Variants in ZNF791 observed in about 807,000 individuals in gnomAD.
ZNF791 encodes the protein zinc finger protein 791.
ZNF791 carries 4 observed loss-of-function variants against 11.5 expected under a neutral mutation model. The observed-to-expected ratio is 0.35, with a 90% CI of 0.17 to 0.80. The LOEUF is 0.80. Among genes scored for constraint, ZNF791 ranks in the 30% least tolerant of loss-of-function variants. The pLI is 0.53. For synonymous variants in ZNF791, 212 were observed against 228.1 expected (o/e 0.93, Z 0.64); for missense variants, 559 against 699.4 (o/e 0.80, Z 2.26).
At chr19:12,626,639 C>CT (rs2023432882) in intron 3 of ZNF791, among the ~76,000 whole-genome samples, 1 of 151,996 alleles carries the variant, frequency 6.6e-6, no homozygotes, top group Non-Finnish European at 1.5e-5. Context: ...AAGTCTTGCT[C>CT]TGTCACCCAG....
At position 12,630,857 on chromosome 19, in the gene ZNF791, A is replaced by C. The variant is rs2023494523; in HGVS notation, c.*1597A>C. On this transcript the variant is annotated 3_prime_UTR_variant, in exon 4 of 4. Coordinates refer to ENST00000343325, the MANE Select transcript of ZNF791 (RefSeq NM_153358.3). ...TTGTACAGCTGTACAATGTGTTTTAAGCTAAATTATTACAAAGTTTTTAAA... is the reference window on the plus strand; with the variant it reads ...TTGTACAGCTGTACAATGTGTTTTACGCTAAATTATTACAAAGTTTTTAAA... 1 of 152,232 alleles carries C rather than the reference A, an allele frequency of 6.6e-6. No homozygotes were observed. Among genetic ancestry groups the C allele is most frequent in the African/African-American group, 2.4e-5 (1 of 41,470 alleles). 9.4% of individuals were successfully genotyped at this position (152,232 alleles called of 1,614,324 possible).
At chr19:12,611,843 A>G (rs1342731408) in intron 1 of ZNF791, among the ~76,000 whole-genome samples, 1 of 152,140 alleles carries the variant, frequency 6.6e-6, no homozygotes, top group Non-Finnish European at 1.5e-5. Context: ...ACAGTTTCAG[A>G]TTGGCACTGT....
chr19:12,622,776 C>A (rs1257962799), intron 1 of ZNF791, among the ~76,000 whole-genome samples: 1 of 151,968 alleles, frequency 6.6e-6, no homozygotes, highest in Non-Finnish European at 1.5e-5. Context: ...CGCCTATAAT[C>A]CCAGCTACTT....
intron 1 of ZNF791, among the ~76,000 whole-genome samples, chr19:12,619,444 CTTTTTTTTTTTTT>C: frequency 1.0e-5 from 1 of 97,484 alleles, no homozygotes; most frequent in East Asian, 2.7e-4. Flanking sequence ...CTAATGTTAT[CTTTTTTTTTTTTT>C]TTTTTTTTTT....
At chr19:12,620,232 G>T (rs1200048465) in intron 1 of ZNF791, among the ~76,000 whole-genome samples, 1 of 152,110 alleles carries the variant, frequency 6.6e-6, no homozygotes, top group African/African-American at 2.4e-5. Context: ...CTGGAGTGCA[G>T]TGGTATAGTT....
At chr19:12,619,536 G>A (rs1248281274) in intron 1 of ZNF791, among the ~76,000 whole-genome samples, 1 of 139,674 alleles carries the variant, frequency 7.2e-6, no homozygotes, top group Non-Finnish European at 1.5e-5. Flanking sequence ...TGCAAGCTCC[G>A]CCTCCCGTGT....
chr19:12,623,645 A>T (rs1262196158), intron 1 of ZNF791, 55 bp from the exon 2 acceptor site: 1 of 1,606,186 alleles, frequency 6.2e-7, no homozygotes, highest in Non-Finnish European at 8.5e-7. Context: ...TGAATTGAGG[A>T]TACCTCTCAT....
chr19:12,619,922 T>G (rs1403758209), intron 1 of ZNF791, among the ~76,000 whole-genome samples: 2 of 150,986 alleles, frequency 1.3e-5, no homozygotes, highest in Admixed American at 6.6e-5. Flanking sequence ...TTTATTTTTA[T>G]TTTATTTATT....
intron 1 of ZNF791, among the ~76,000 whole-genome samples, chr19:12,615,865 G>A (rs1326364545): frequency 6.6e-6 from 1 of 151,994 alleles, no homozygotes; most frequent in Non-Finnish European, 1.5e-5. Flanking sequence ...CTTAAATTTG[G>A]CAGTTATGAA....
intron 1 of ZNF791, among the ~76,000 whole-genome samples, chr19:12,615,397 T>C (rs931754922): frequency 1.3e-5 from 2 of 152,128 alleles, no homozygotes; most frequent in Admixed American, 6.6e-5. Context: ...ACAGATTGGC[T>C]TCCTTCACTG....
chr19:12,616,460 A>C (rs1019777490), intron 1 of ZNF791, among the ~76,000 whole-genome samples: 1 of 152,186 alleles, frequency 6.6e-6, no homozygotes, highest in African/African-American at 2.4e-5. Context: ...ATGGTAGCTC[A>C]TGTGGGGCCA....
intron 1 of ZNF791, among the ~76,000 whole-genome samples, chr19:12,622,565 C>T (rs1334814803): frequency 6.6e-6 from 1 of 151,872 alleles, no homozygotes; most frequent in Non-Finnish European, 1.5e-5. Flanking sequence ...AGGAGGATCA[C>T]TTGGGGCCGA....
At chr19:12,621,465 A>AT (rs5827156) in intron 1 of ZNF791, among the ~76,000 whole-genome samples, 76,269 of 151,012 alleles carry the variant, frequency 0.51, 22,063 homozygotes, top group Non-Finnish European at 0.67. Flanking sequence ...GTGGTCGCTC[A>AT]TGCCTGTAAT....
At chr19:12,611,289 G>C (rs1314910522) in intron 1 of ZNF791, among the ~76,000 whole-genome samples, 2 of 152,206 alleles carry the variant, frequency 1.3e-5, no homozygotes, top group Non-Finnish European at 2.9e-5. Context: ...TTCCCAGATC[G>C]TGCAGGGACC....
rs781039355 is a variant in ZNF791, at chr19:12,628,682, G to A, written c.1153G>A (p.Glu385Lys). 6 of 1,602,402 alleles carry A rather than the reference G, an allele frequency of 3.7e-6. No individual in the cohort carries two copies. The highest frequency in any genetic ancestry group is 1.3e-5 in the African/African-American group (1 of 74,118). ...GACTCACACTGGAGAGAAACCCTAC[G>A]AATGTAAAAAATGTGGGAAAACTTT... ...ERTHTGEKPY[E>K]CKKCGKTFNY... is the part of the protein sequence containing the mutation. The change falls in exon 4 of 4, where the codon GAA (glutamate) becomes AAA (lysine). Residue 385 changes from glutamate (E) to lysine (K), a missense_variant. Physicochemically the swap from Glu to Lys is moderately conservative, Grantham distance 56 (BLOSUM62 1). Coordinates refer to ENST00000343325, the MANE Select transcript of ZNF791 (RefSeq NM_153358.3).
intron 1 of ZNF791, among the ~76,000 whole-genome samples, chr19:12,615,012 CTTTTTTTTTT>C (rs1180146927): frequency 4.0e-5 from 2 of 49,852 alleles, no homozygotes; most frequent in South Asian, 7.3e-4. Context: ...CTATGTTCAA[CTTTTTTTTTT>C]TTTTTTTTTT....
intron 1 of ZNF791, among the ~76,000 whole-genome samples, chr19:12,622,383 A>AAT (rs1187059426): frequency 5.3e-5 from 7 of 131,838 alleles, no homozygotes; most frequent in African/African-American, 1.2e-4. Context: ...ATAAATAAAA[A>AAT]AAATAATAAA....
rs2023499361 is a variant in ZNF791, at chr19:12,631,359, A to C, written c.*2099A>C. The C allele has an allele frequency of 6.6e-6, 1 of 152,250 alleles. No homozygotes were observed. The highest frequency in any genetic ancestry group is 1.5e-5 in the Non-Finnish European group (1 of 68,054). The allele number at this position is 152,250 out of a possible 1,614,324, so 9.4% of individuals were successfully genotyped here. ...TCACCTACAACACGTTTCTCAGAAC[A>C]TATACCCATGATTAAGCAATCTCTG... On this transcript the variant is annotated 3_prime_UTR_variant, in exon 4 of 4. Transcript: ENST00000343325.
chr19:12,627,610 G>A (rs1235043127), intron 3 of ZNF791, 111 bp from the exon 4 acceptor site: 2 of 1,010,586 alleles, frequency 2.0e-6, no homozygotes, highest in Non-Finnish European at 2.9e-6. Context: ...TGGGGAACAA[G>A]AACAAGACTC....
Sources: gnomAD v4.1 joint callset for allele counts (sites outside exome capture counted in the v4.1 genomes callset) on GRCh38, gnomAD v4.1.1 for gene constraint, MANE v1.5 for transcripts, NCBI Gene and HGNC (gene_info 2026-07-23, HGNC 2026-07-21) for gene names.